ITPR1: variants seen among roughly 807,000 people sequenced by gnomAD.
ITPR1 encodes the protein inositol 1,4,5-trisphosphate receptor type 1.
A neutral mutation model predicts 318.4 loss-of-function variants in ITPR1; 96 were observed. The observed-to-expected ratio is 0.30, with a 90% CI of 0.26 to 0.36. The LOEUF (loss-of-function observed/expected upper bound fraction) is 0.36, where lower values mean the gene tolerates loss of function less well. Ranked by LOEUF, ITPR1 falls within the 10% of genes least tolerant of loss-of-function variation. The pLI, the probability that ITPR1 is intolerant of heterozygous loss-of-function variation, is 1.00. For synonymous variants in ITPR1, 1,312 were observed against 1,289.9 expected, an observed-to-expected ratio of 1.02 and a Z score of -0.37; for missense variants, 2,440 against 3,460.2, an observed-to-expected ratio of 0.71 and a Z score of 7.40.
chr3:4,639,427 G>T lies in ITPR1; in HGVS notation c.323G>T (p.Arg108Met). The T allele has an allele frequency of 6.3e-7, 1 of 1,580,876 alleles. No individual in the cohort carries two copies. Among genetic ancestry groups the T allele is most frequent in the East Asian group, 2.3e-5 (1 of 43,328 alleles). ...LEKKQNETENRKLLGTVIQYG... is the reference protein window; with the variant it reads ...LEKKQNETENMKLLGTVIQYG... Reference sequence around the variant, plus strand: ...AAGAAGCAGAATGAGACAGAAAACAGGAAATTGCTGGGGACCGTAATCCAG... The same window carrying T: ...AAGAAGCAGAATGAGACAGAAAACATGAAATTGCTGGGGACCGTAATCCAG... Residue 108 changes from arginine to methionine, a missense_variant, in exon 6 of 62, where the codon AGG becomes ATG. Coordinates refer to ENST00000649015, the MANE Select transcript of ITPR1 (RefSeq NM_001378452.1).
chr3:4,685,323 T>A lies in ITPR1; in HGVS notation c.3702+117T>A. 6 of 1,078,686 alleles carry A rather than the reference T, an allele frequency of 5.6e-6. No homozygotes were observed. The South Asian group carries it at 9.9e-5, about 18-fold the overall frequency. 66.8% of individuals were successfully genotyped at this position (1,078,686 alleles called of 1,614,324 possible). A position where few individuals can be genotyped will look rare whatever the true frequency, so the allele number is the denominator to read the frequency against. Reference sequence around the variant, plus strand: ...AGAAATGCATCCAGTGTGACTATTGTGACTACAAAGCAATTTCAGGTATTG... The same window carrying A: ...AGAAATGCATCCAGTGTGACTATTGAGACTACAAAGCAATTTCAGGTATTG... On this transcript the variant is annotated intron_variant, in intron 30 of 61. Coordinates refer to ENST00000649015, the MANE Select transcript of ITPR1 (RefSeq NM_001378452.1).
At chr3:4,742,013 CAGGCGTCCCCAGA>C (rs2043740653) in intron 44 of ITPR1, among the ~76,000 whole-genome samples, 2 of 152,192 alleles carry the variant, frequency 1.3e-5, no homozygotes, top group African/African-American at 4.8e-5. Context: ...TTGTCCCCAG[CAGGCGTCCCCAGA>C]GACACTGCCC....
At position 4,702,944 on chromosome 3, in the gene ITPR1, G is replaced by A; in HGVS notation, c.4651G>A (p.Asp1551Asn). Residue 1551 changes from aspartate (D) to asparagine (N), a missense_variant, in exon 36 of 62, where the codon GAT becomes AAT. Transcript: ENST00000649015. The part of the protein sequence containing the change: ...SVESCIRVLS[D>N]VAKSRAIAIP... Reference sequence around the variant, plus strand: ...GGAGAGCTGTATTCGGGTGCTGTCTGATGTAGGTAAGATACCAAGTCAGTT... The same window carrying A: ...GGAGAGCTGTATTCGGGTGCTGTCTAATGTAGGTAAGATACCAAGTCAGTT... The A allele has an allele frequency of 6.2e-7, 1 of 1,613,792 alleles. No homozygotes were observed. Among genetic ancestry groups the A allele is most frequent in the Non-Finnish European group, 8.5e-7 (1 of 1,179,712 alleles).
intron 4 of ITPR1, among the ~76,000 whole-genome samples, chr3:4,553,582 C>T (rs1038715577): frequency 6.6e-6 from 1 of 150,892 alleles, no homozygotes; most frequent in Admixed American, 6.7e-5. Flanking sequence ...AAGCGCGTGC[C>T]ACCACGCCTG....
intron 10 of ITPR1, 135 bp downstream of exon 10, chr3:4,645,863 T>TGC (rs1553666931): frequency 2.7e-5 from 20 of 749,192 alleles, no homozygotes; most frequent in Non-Finnish European, 3.3e-5. Flanking sequence ...TACACACACC[T>TGC]ACACACACAC....
At chr3:4,664,994 G>A (rs896459234) in intron 16 of ITPR1, 144 bp from the exon 17 acceptor site, 2 of 776,340 alleles carry the variant, frequency 2.6e-6, no homozygotes, top group Non-Finnish European at 4.3e-6. Context: ...TGGGCTGAAT[G>A]CAGTGTTCAG....
At chr3:4,788,245 C>A in intron 52 of ITPR1, 106 bp downstream of exon 52, 2 of 903,308 alleles carry the variant, frequency 2.2e-6, no homozygotes, top group Non-Finnish European at 3.4e-6. Context: ...AAGCTAGTAT[C>A]ATTTATGATA....
At chr3:4,695,883 G>A (rs760681384) in intron 33 of ITPR1, among the ~76,000 whole-genome samples, 4 of 152,158 alleles carry the variant, frequency 2.6e-5, no homozygotes, top group Non-Finnish European at 5.9e-5. Flanking sequence ...GCCCACATGT[G>A]TACACTTCCG....
chr3:4,527,134 C>T (rs1014071657), intron 4 of ITPR1, among the ~76,000 whole-genome samples: 5 of 152,154 alleles, frequency 3.3e-5, no homozygotes, highest in Non-Finnish European at 7.4e-5. Flanking sequence ...TTATGAGTGT[C>T]GTAGCCAGAG....
intron 6 of ITPR1, among the ~76,000 whole-genome samples, chr3:4,640,921 C>G (rs2093323176): frequency 6.6e-6 from 1 of 152,162 alleles, no homozygotes; most frequent in Admixed American, 6.5e-5. Flanking sequence ...ACCAGGGGAA[C>G]AGTTGAGGGG....
At position 4,711,739 on chromosome 3, in the gene ITPR1, G is replaced by C. The variant is rs1469712726; in HGVS notation, c.4992-18G>C. ...AATTAGCTTCAAGGAAGTAATCCGT[G>C]GTTTTCCCCCCATTCAGGTTAATAA... On this transcript the variant is annotated intron_variant, in intron 38 of 61. Transcript: ENST00000649015. 2 of 1,345,028 alleles carry C rather than the reference G, an allele frequency of 1.5e-6. No homozygotes were observed. The highest frequency in any genetic ancestry group is 2.5e-5 in the South Asian group (2 of 78,898). The allele number at this position is 1,345,028 out of a possible 1,614,324, so 83.3% of individuals were successfully genotyped here.
intron 60 of ITPR1, chr3:4,831,081 C>T: frequency 2.2e-6 from 1 of 452,240 alleles, no homozygotes; most frequent in South Asian, 1.6e-5. Flanking sequence ...TACAATCCAA[C>T]TTCCTCCTCC....
intron 4 of ITPR1, among the ~76,000 whole-genome samples, chr3:4,624,713 A>G (rs1477952530): frequency 6.7e-6 from 1 of 150,236 alleles, no homozygotes; most frequent in Non-Finnish European, 1.5e-5. Context: ...ATAATGCAGT[A>G]TTCTGTTATT....
In ITPR1 at chr3:4,814,633, G is replaced by A. The variant is rs537048118; in HGVS notation, c.7701+71G>A. 110 of 1,371,234 alleles carry A rather than the reference G, an allele frequency of 8.0e-5. No homozygotes were observed. In the African/African-American group the frequency reaches 1.2e-3, roughly 15 times the overall value. 84.9% of individuals were successfully genotyped at this position (1,371,234 alleles called of 1,614,324 possible). On this transcript the variant is annotated intron_variant, in intron 58 of 61. Transcript: ENST00000649015. ...GTGGTTGGTGGGAGCACCATGCAGC[G>A]GTGTTGAGTGTAAACTGAAGACGCA... is the stretch of plus-strand genomic sequence containing the variant.
At position 4,711,818 on chromosome 3, in the gene ITPR1, C is replaced by T. The variant is rs759249800; in HGVS notation, c.5053C>T (p.Leu1685=). 1.3e-6 allele frequency: 2 copies of T among 1,551,870 alleles called. No homozygotes were observed. Among genetic ancestry groups the T allele is most frequent in the Admixed American group, 2.0e-5 (1 of 51,120 alleles). The change falls in exon 39 of 62, where the codon CTA becomes TTA. Residue 1685 remains leucine (L), a synonymous_variant. Transcript: ENST00000649015. ...TGAAGAGAAGCTCTGCATTAAGGTC[C>T]TACAGACCCTGAGGGAAATGATGAC... ...ENEEKLCIKV[L]QTLREMMTKD... is the part of the protein sequence containing the mutation.
intron 12 of ITPR1, among the ~76,000 whole-genome samples, chr3:4,655,377 G>A (rs2093682855): frequency 6.6e-6 from 1 of 152,120 alleles, no homozygotes; most frequent in African/African-American, 2.4e-5. Flanking sequence ...GGTACAGGAG[G>A]GAAGACTGGC....
At chr3:4,581,195 C>T (rs149738371) in intron 4 of ITPR1, among the ~76,000 whole-genome samples, 151 of 152,300 alleles carry the variant, frequency 9.9e-4, no homozygotes, top group African/African-American at 3.5e-3. Context: ...AGTGTTTTTG[C>T]CGAGGCAGCA....
intron 33 of ITPR1, 120 bp downstream of exon 33, chr3:4,693,861 G>C: frequency 1.9e-6 from 2 of 1,054,846 alleles, no homozygotes; most frequent in South Asian, 3.4e-5. Flanking sequence ...GAAAGCTGCA[G>C]CTCATTTTGT....
chr3:4,594,767 T>A (rs1439174567), intron 4 of ITPR1, among the ~76,000 whole-genome samples: 1 of 151,674 alleles, frequency 6.6e-6, no homozygotes, highest in Non-Finnish European at 1.5e-5. Context: ...GGGAAATGTG[T>A]GGCAGGAGTG....
Sources: allele counts gnomAD v4.1 joint callset (sites outside exome capture counted in the v4.1 genomes callset), GRCh38; gene constraint gnomAD v4.1.1; transcripts MANE v1.5; gene names NCBI Gene and HGNC (gene_info 2026-07-23, HGNC 2026-07-21).